The following TATDN3 variants were observed in gnomAD, a reference collection of about 807,000 sequenced individuals.
TATDN3 encodes the protein TatD DNase domain containing 3.
TATDN3 carries 29 observed loss-of-function variants against 40.1 expected under a neutral mutation model. The ratio of observed to expected loss-of-function variants is 0.72; its 90% CI spans 0.54 to 0.99. The LOEUF (loss-of-function observed/expected upper bound fraction) is 0.99, where lower values mean the gene tolerates loss of function less well. Among genes scored for constraint, TATDN3 ranks in the 50% least tolerant of loss-of-function variants. The pLI is 0.00. For missense variants in TATDN3, 309 were observed against 321.9 expected, an observed-to-expected ratio of 0.96 and a Z score of 0.31; for synonymous variants, 105 against 117.0, an observed-to-expected ratio of 0.90 and a Z score of 0.66.
At chr1:212,814,572 A>G (rs1663084337) in intron 9 of TATDN3, among the ~76,000 whole-genome samples, 1 of 152,214 alleles carries the variant, frequency 6.6e-6, no homozygotes, top group Non-Finnish European at 1.5e-5. Context: ...AATCAGTGAA[A>G]TGCCAGTACA....
chr1:212,815,894 A>G lies in TATDN3; in HGVS notation c.*738A>G, dbSNP rs1383698007. On this transcript the variant is annotated 3_prime_UTR_variant, in exon 10 of 10. Coordinates refer to ENST00000366974, the MANE Select transcript of TATDN3 (RefSeq NM_001042552.3). The stretch of plus-strand genomic sequence containing the variant: ...GTGAAGGGAGAATGTCTGGTTTTCT[A>G]TGCTGTCAGAAATCTCTTTTCTAGG... 1 of 152,188 alleles carries G rather than the reference A, an allele frequency of 6.6e-6. No homozygotes were observed. Among genetic ancestry groups the G allele is most frequent in the African/African-American group, 2.4e-5 (1 of 41,450 alleles). 9.4% of individuals were successfully genotyped at this position (152,188 alleles called of 1,614,324 possible).
At chr1:212,813,797 G>GC in intron 9 of TATDN3, among the ~76,000 whole-genome samples, 1 of 151,950 alleles carries the variant, frequency 6.6e-6, no homozygotes, top group African/African-American at 2.4e-5. Context: ...TGCAACTTCC[G>GC]CCTTCTGGAT....
intron 7 of TATDN3, 38 bp from the exon 8 acceptor site, chr1:212,807,698 A>G: frequency 6.8e-7 from 1 of 1,474,926 alleles, no homozygotes; most frequent in Non-Finnish European, 9.3e-7. Context: ...TTGATGGGAC[A>G]TAAAATGGAA....
intron 9 of TATDN3, among the ~76,000 whole-genome samples, chr1:212,812,565 G>A (rs1662950337): frequency 6.6e-6 from 1 of 152,206 alleles, no homozygotes; most frequent in South Asian, 2.1e-4. Context: ...TCAGACCAGT[G>A]TAGTAAAAAG....
chr1:212,805,184 A>T (rs897081364), intron 7 of TATDN3, among the ~76,000 whole-genome samples: 2 of 151,608 alleles, frequency 1.3e-5, no homozygotes, highest in South Asian at 2.1e-4. Context: ...CTGGTCTCGA[A>T]CTCCTGACCT....
intron 7 of TATDN3, among the ~76,000 whole-genome samples, 177 bp from the exon 8 acceptor site, chr1:212,807,559 T>G (rs1662616549): frequency 6.6e-6 from 1 of 152,050 alleles, no homozygotes; most frequent in South Asian, 2.1e-4. Context: ...GGCCTAAAAT[T>G]TACTATATTT....
At chr1:212,797,839 C>T (rs1661885048) in intron 4 of TATDN3, among the ~76,000 whole-genome samples, 1 of 152,176 alleles carries the variant, frequency 6.6e-6, no homozygotes, top group African/African-American at 2.4e-5. Context: ...TGTACCCTCT[C>T]TAAAAACATC....
At chr1:212,797,280 A>G (rs1372606000) in intron 4 of TATDN3, 84 bp downstream of exon 4, 6 of 991,436 alleles carry the variant, frequency 6.1e-6, no homozygotes, top group Non-Finnish European at 9.2e-6. Flanking sequence ...TTTCTAATTT[A>G]TATTCTCAGG....
At chr1:212,797,855 C>T (rs142947516) in intron 4 of TATDN3, among the ~76,000 whole-genome samples, 8 of 152,252 alleles carry the variant, frequency 5.3e-5, no homozygotes, top group Admixed American at 3.3e-4. Flanking sequence ...ACATCCTACC[C>T]GCACTGACTC....
chr1:212,797,318 C>A, intron 4 of TATDN3, 122 bp downstream of exon 4: 1 of 717,100 alleles, frequency 1.4e-6, no homozygotes. Context: ...GAAACATTAC[C>A]TTCTTTAACA....
At chr1:212,799,486 G>A (rs1662035022) in intron 4 of TATDN3, among the ~76,000 whole-genome samples, 2 of 151,964 alleles carry the variant, frequency 1.3e-5, no homozygotes. Context: ...AGAATTGATT[G>A]GACTGGTTAA....
At chr1:212,805,834 A>C (rs1052166986) in intron 7 of TATDN3, among the ~76,000 whole-genome samples, 6 of 152,174 alleles carry the variant, frequency 3.9e-5, no homozygotes, top group Admixed American at 2.6e-4. Flanking sequence ...AATATAGTTT[A>C]TTTTGAGACT....
At chr1:212,814,148 T>C (rs776655808) in intron 9 of TATDN3, among the ~76,000 whole-genome samples, 1 of 152,130 alleles carries the variant, frequency 6.6e-6, no homozygotes, top group African/African-American at 2.4e-5. Context: ...ATAAACATAC[T>C]TTTCTTCATC....
intron 5 of TATDN3, among the ~76,000 whole-genome samples, 176 bp from the exon 6 acceptor site, chr1:212,804,144 G>T (rs1662323150): frequency 6.6e-6 from 1 of 152,138 alleles, no homozygotes; most frequent in Non-Finnish European, 1.5e-5. Context: ...ATATTATTAA[G>T]ATTGATTTCA....
intron 8 of TATDN3, among the ~76,000 whole-genome samples, chr1:212,808,924 G>A (rs1440930091): frequency 2.6e-5 from 4 of 152,146 alleles, no homozygotes; most frequent in Non-Finnish European, 5.9e-5. Flanking sequence ...ATTCATAATA[G>A]CCAAAAAGTA....
Position 212,796,502 on chromosome 1 carries a change from T to G in TATDN3, c.100-15T>G. ...TGTATATTGTTTGTAACTTTATTCT[T>G]TTTTTTTTTTTCAGGCCAATGTTGT... On this transcript the variant is annotated splice_polypyrimidine_tract_variant and intron_variant, in intron 2 of 9. Coordinates refer to ENST00000366974, the MANE Select transcript of TATDN3 (RefSeq NM_001042552.3). 7.5e-7 allele frequency: 1 copy of G among 1,339,336 alleles called. No individual in the cohort carries two copies. The highest frequency in any genetic ancestry group is 9.9e-7 in the Non-Finnish European group (1 of 1,015,042). 83.0% of individuals were successfully genotyped at this position (1,339,336 alleles called of 1,614,324 possible). A position where few individuals can be genotyped will look rare whatever the true frequency, so the allele number is the denominator to read the frequency against.
At chr1:212,804,284 C>G in intron 5 of TATDN3, 36 bp from the exon 6 acceptor site, 1 of 1,522,486 alleles carries the variant, frequency 6.6e-7, no homozygotes, top group Non-Finnish European at 9.1e-7. Flanking sequence ...GTTCCTTAAA[C>G]CTAAATATGT....
chr1:212,794,401 G>T (rs1347638761), intron 1 of TATDN3, among the ~76,000 whole-genome samples: 1 of 152,086 alleles, frequency 6.6e-6, no homozygotes, highest in Non-Finnish European at 1.5e-5. Context: ...GACCAGCTTG[G>T]CCAACATGGT....
intron 8 of TATDN3, among the ~76,000 whole-genome samples, chr1:212,809,611 G>T (rs372741041): frequency 3.3e-5 from 5 of 152,100 alleles, no homozygotes; most frequent in Admixed American, 1.3e-4. Flanking sequence ...GTGAACCCGG[G>T]GGGGCAGAGC....
Sources: allele counts gnomAD v4.1 joint callset (sites outside exome capture counted in the v4.1 genomes callset), GRCh38; gene constraint gnomAD v4.1.1; transcripts MANE v1.5; gene names NCBI Gene and HGNC (gene_info 2026-07-23, HGNC 2026-07-21).